The following ATP6V1D variants were observed in gnomAD, a reference collection of about 807,000 sequenced individuals.
The protein encoded by ATP6V1D is ATPase H+ transporting V1 subunit D.
In ATP6V1D, 20 loss-of-function variants were observed where a neutral mutation model predicts 39.4. The observed-to-expected ratio is 0.51, with a 90% confidence interval of 0.36 to 0.74. The LOEUF (loss-of-function observed/expected upper bound fraction) is 0.74. Among genes scored for constraint, ATP6V1D ranks in the 30% least tolerant of loss-of-function variants. The probability of loss-of-function intolerance (pLI) is 0.00; values close to 1 mark genes in which losing one functional copy is unlikely to be tolerated. For synonymous variants in ATP6V1D, 100 were observed against 100.5 expected (o/e 0.99, Z 0.03); for missense variants, 228 against 291.6 (o/e 0.78, Z 1.59).
intron 8 of ATP6V1D, among the ~76,000 whole-genome samples, chr14:67,339,721 T>G (rs140192427): frequency 1.5e-4 from 23 of 152,334 alleles, no homozygotes; most frequent in African/African-American, 5.3e-4. Flanking sequence ...GAAATACATA[T>G]TTGTTGAATA....
chr14:67,349,944 G>A (rs1176911391), intron 3 of ATP6V1D, among the ~76,000 whole-genome samples: 3 of 152,138 alleles, frequency 2.0e-5, no homozygotes, highest in Non-Finnish European at 4.4e-5. Flanking sequence ...AATAAAATCA[G>A]AAACCTTGAA....
chr14:67,356,860 T>C (rs995224705), intron 1 of ATP6V1D, among the ~76,000 whole-genome samples: 13 of 152,224 alleles, frequency 8.5e-5, no homozygotes, highest in African/African-American at 2.7e-4. Flanking sequence ...TTTAACATAA[T>C]GTATTGTTGA....
intron 8 of ATP6V1D, among the ~76,000 whole-genome samples, 195 bp from the exon 9 acceptor site, chr14:67,338,957 T>G (rs1441608247): frequency 6.6e-6 from 1 of 152,028 alleles, no homozygotes; most frequent in Non-Finnish European, 1.5e-5. Flanking sequence ...ATACATAATT[T>G]TAAGCTAATA....
intron 3 of ATP6V1D, 107 bp downstream of exon 3, chr14:67,350,504 C>G (rs530556824): frequency 9.0e-6 from 8 of 885,146 alleles, no homozygotes; most frequent in African/African-American, 3.4e-5. Context: ...ATTACTATAT[C>G]ATTTGTCCTT....
chr14:67,353,276 A>T (rs1024871155), intron 1 of ATP6V1D, among the ~76,000 whole-genome samples: 3 of 152,150 alleles, frequency 2.0e-5, no homozygotes, highest in Non-Finnish European at 4.4e-5. Flanking sequence ...CCATCAAGAG[A>T]TGACTGGGTC....
chr14:67,349,848 T>C (rs2085644672), intron 3 of ATP6V1D, among the ~76,000 whole-genome samples: 1 of 152,092 alleles, frequency 6.6e-6, no homozygotes. Flanking sequence ...CTGGCAAAAA[T>C]GAAAGCCTAC....
chr14:67,344,363 T>C (rs2085605617), intron 6 of ATP6V1D, among the ~76,000 whole-genome samples: 1 of 152,206 alleles, frequency 6.6e-6, no homozygotes, highest in South Asian at 2.1e-4. Context: ...TATCAAATCA[T>C]TTCTGCTTCA....
chr14:67,350,079 TA>T (rs1009046143), intron 3 of ATP6V1D, among the ~76,000 whole-genome samples: 1 of 152,266 alleles, frequency 6.6e-6, no homozygotes, highest in African/African-American at 2.4e-5. Context: ...ATAACATATG[TA>T]AATTGGCATA....
At chr14:67,352,150 G>T (rs888718118) in intron 2 of ATP6V1D, among the ~76,000 whole-genome samples, 1 of 151,884 alleles carries the variant, frequency 6.6e-6, no homozygotes, top group African/African-American at 2.4e-5. Flanking sequence ...AATAAAAACA[G>T]CACTCATAGA....
intron 6 of ATP6V1D, among the ~76,000 whole-genome samples, 154 bp from the exon 7 acceptor site, chr14:67,343,592 G>A (rs1051036823): frequency 2.0e-5 from 3 of 152,222 alleles, no homozygotes; most frequent in Non-Finnish European, 1.5e-5. Flanking sequence ...TAGGCTGGGC[G>A]CATGGCTCAC....
At position 67,338,277 on chromosome 14, in the gene ATP6V1D, CA is replaced by C. The variant is rs2085554810; in HGVS notation, c.*343del. Reference sequence around the variant, plus strand: ...AAGTGGGTAGGAATGAAAGCTGCTCCACAGTAATTGGCCTGAGACCGCTAAT... The same window carrying C: ...AAGTGGGTAGGAATGAAAGCTGCTCCCAGTAATTGGCCTGAGACCGCTAAT... On this transcript the variant is annotated 3_prime_UTR_variant, in exon 9 of 9. Transcript: ENST00000216442. 5.9e-6 allele frequency: 1 copy of C among 170,010 alleles called. No individual in the cohort carries two copies. Among genetic ancestry groups the C allele is most frequent in the Non-Finnish European group, 1.3e-5 (1 of 79,872 alleles). The allele number at this position is 170,010 out of a possible 1,614,324, so 10.5% of individuals were successfully genotyped here.
At chr14:67,341,483 C>T (rs1234661671) in intron 7 of ATP6V1D, among the ~76,000 whole-genome samples, 2 of 151,552 alleles carry the variant, frequency 1.3e-5, no homozygotes, top group Admixed American at 6.6e-5. Context: ...GCCCCCGGCC[C>T]GGCCAGCCGC....
At chr14:67,338,979 C>G (rs756526490) in intron 8 of ATP6V1D, among the ~76,000 whole-genome samples, 2 of 149,546 alleles carry the variant, frequency 1.3e-5, no homozygotes, top group Non-Finnish European at 3.0e-5. Flanking sequence ...CTGATTTAAC[C>G]TGAGACAGAA....
intron 6 of ATP6V1D, among the ~76,000 whole-genome samples, chr14:67,343,986 T>G (rs573599523): frequency 5.1e-4 from 77 of 152,320 alleles, no homozygotes; most frequent in Middle Eastern, 6.8e-3. Context: ...TTGAGGGATC[T>G]TATGATTCAT....
At chr14:67,353,985 T>C (rs1204896612) in intron 1 of ATP6V1D, 1 of 151,070 alleles carries the variant, frequency 6.6e-6, no homozygotes, top group African/African-American at 2.4e-5. Context: ...AAAAGGCATG[T>C]TCGACCCTTT....
At position 67,338,708 on chromosome 14, in the gene ATP6V1D, G is replaced by C. The variant is rs764819379; in HGVS notation, c.657C>G (p.Asp219Glu). The change falls in exon 9 of 9, where the codon GAC becomes GAG. Residue 219 changes from aspartate (D) to glutamate (E), a missense_variant. By Grantham distance (45) the Asp-to-Glu change is conservative. Around this residue, in one of 3 missense-constraint regions of ATP6V1D, gnomAD observed 114 missense variants for 128.3 expected, o/e 0.89. Coordinates refer to ENST00000216442, the MANE Select transcript of ATP6V1D (RefSeq NM_015994.4). ...CTCCAGCTGCTCTCCTTTGCTCCAA[G>C]TCCTTCTCAGATTTTTCCTTTAGAA... ...KKILKEKSEK[D>E]LEQRRAAGEV... 1.2e-6 allele frequency: 2 copies of C among 1,613,624 alleles called. No homozygotes were observed. Among genetic ancestry groups the C allele is most frequent in the Admixed American group, 3.3e-5 (2 of 60,006 alleles).
rs1310895193 is a variant in ATP6V1D at position 67,338,006 on chromosome 14, G to A, written c.*615C>T. ...CCTACATGTCTGCAGAGAAAGCTCTGGCTGACACTACTGATCTGAGCATGA... is the reference window on the plus strand; with the variant it reads ...CCTACATGTCTGCAGAGAAAGCTCTAGCTGACACTACTGATCTGAGCATGA... On this transcript the variant is annotated 3_prime_UTR_variant, in exon 9 of 9. Coordinates refer to ENST00000216442, the MANE Select transcript of ATP6V1D (RefSeq NM_015994.4). 2 of 152,120 alleles carry A rather than the reference G, an allele frequency of 1.3e-5. No homozygotes were observed. Among genetic ancestry groups the A allele is most frequent in the African/African-American group, 2.4e-5 (1 of 41,408 alleles). 9.4% of individuals were successfully genotyped at this position (152,120 alleles called of 1,614,324 possible).
chr14:67,338,597 CT>C lies in ATP6V1D; in HGVS notation c.*23del. The C allele has an allele frequency of 6.2e-7, 1 of 1,605,264 alleles. No individual in the cohort carries two copies. On this transcript the variant is annotated 3_prime_UTR_variant, in exon 9 of 9. Coordinates refer to ENST00000216442, the MANE Select transcript of ATP6V1D (RefSeq NM_015994.4). ...TAAAATGAAGCCAGTGTTAGGGTTTCTCAAAGAACCAGAACAGGAAAGATTA... is the reference window on the plus strand; with the variant it reads ...TAAAATGAAGCCAGTGTTAGGGTTTCCAAAGAACCAGAACAGGAAAGATTA...
chr14:67,340,377 G>T, intron 8 of ATP6V1D, 63 bp downstream of exon 8: 1 of 1,391,604 alleles, frequency 7.2e-7, no homozygotes, highest in Non-Finnish European at 1.0e-6. Flanking sequence ...AAGTCATTCA[G>T]CAAATACAGC....
Sources: gnomAD v4.1 joint callset for allele counts (sites outside exome capture counted in the v4.1 genomes callset) on GRCh38, gnomAD v4.1.1 for gene constraint, gnomAD v4.1.1 regional missense constraint, MANE v1.5 for transcripts, NCBI Gene and HGNC (gene_info 2026-07-23, HGNC 2026-07-21) for gene names.